Variants in OSBPL10 observed in about 807,000 individuals in gnomAD.
OSBPL10 encodes the protein oxysterol binding protein like 10.
In OSBPL10, 49 loss-of-function variants were observed where a neutral mutation model predicts 81.7. The ratio of observed to expected loss-of-function variants is 0.60; its 90% CI spans 0.48 to 0.76. The LOEUF (loss-of-function observed/expected upper bound fraction) is 0.76, where lower values mean the gene tolerates loss of function less well. Ranked by LOEUF, OSBPL10 falls within the 30% of genes least tolerant of loss-of-function variation. The pLI is 0.00. For synonymous variants in OSBPL10, 419 were observed against 383.6 expected (o/e 1.09, Z -1.08); for missense variants, 923 against 987.8 (o/e 0.93, Z 0.88).
intron 7 of OSBPL10, among the ~76,000 whole-genome samples, chr3:31,694,753 T>G (rs1367496691): frequency 2.6e-5 from 4 of 152,140 alleles, no homozygotes; most frequent in African/African-American, 7.2e-5. Context: ...TTTTGTTTGT[T>G]TGTTTGTTTT....
chr3:32,048,724 T>A (rs940477568), intron 1 of OSBPL10, among the ~76,000 whole-genome samples: 1 of 152,196 alleles, frequency 6.6e-6, no homozygotes, highest in African/African-American at 2.4e-5. Flanking sequence ...AACTCCATTT[T>A]GAATAGGGGC....
intron 4 of OSBPL10, among the ~76,000 whole-genome samples, chr3:31,760,579 T>C (rs1422534527): frequency 2.0e-5 from 3 of 152,350 alleles, no homozygotes; most frequent in African/African-American, 7.2e-5. Context: ...ACATGTTCAA[T>C]ATAGATGCAA....
chr3:31,906,124 A>G (rs1417852239), intron 1 of OSBPL10, among the ~76,000 whole-genome samples: 1 of 152,226 alleles, frequency 6.6e-6, no homozygotes, highest in Non-Finnish European at 1.5e-5. Context: ...CCAAGCAAGA[A>G]CAAACAAAGC....
intron 3 of OSBPL10, among the ~76,000 whole-genome samples, chr3:31,860,177 GTT>G (rs150220810): frequency 0.07 from 10,691 of 152,082 alleles, 1,283 homozygotes; most frequent in African/African-American, 0.25. Flanking sequence ...AAATGAAAGC[GTT>G]TAAGATTTTG....
At chr3:32,014,160 C>T (rs983439687) in intron 2 of OSBPL10, among the ~76,000 whole-genome samples, 1 of 152,150 alleles carries the variant, frequency 6.6e-6, no homozygotes, top group African/African-American at 2.4e-5. Flanking sequence ...AATTTTAGAC[C>T]AATATCCCTG....
At chr3:32,068,072 G>A (rs1699793382) in intron 1 of OSBPL10, among the ~76,000 whole-genome samples, 1 of 152,126 alleles carries the variant, frequency 6.6e-6, no homozygotes, top group Non-Finnish European at 1.5e-5. Flanking sequence ...TTCAAATCAG[G>A]TAAGCGGTCT....
upstream of OSBPL10, among the ~76,000 whole-genome samples, chr3:31,985,876 T>A (rs1698926789): frequency 6.6e-6 from 1 of 152,236 alleles, no homozygotes; most frequent in African/African-American, 2.4e-5. Flanking sequence ...CATGAGGAGA[T>A]CTACAGTTCT....
rs184072433 is a variant in OSBPL10 at position 31,941,068 on chromosome 3, G to A, written c.281+39831C>T. On this transcript the variant is annotated intron_variant, in intron 1 of 11. Transcript: ENST00000396556. ...GTTGAGAATGGTAAATGTACTCAACGTTTGTCCGACAGGTGAATGAAACAT... is the reference window on the plus strand; with the variant it reads ...GTTGAGAATGGTAAATGTACTCAACATTTGTCCGACAGGTGAATGAAACAT... Among the ~76,000 whole-genome samples the A allele has an allele frequency of 2.5e-4, 38 of 152,274 alleles. No individual in the cohort carries two copies. In the East Asian group the frequency reaches 3.9e-3, roughly 15 times the overall value.
At chr3:31,692,983 C>T (rs1300024273) in intron 7 of OSBPL10, among the ~76,000 whole-genome samples, 1 of 152,220 alleles carries the variant, frequency 6.6e-6, no homozygotes, top group Non-Finnish European at 1.5e-5. Flanking sequence ...ACTGTGTCGC[C>T]TCATGAAACA....
In OSBPL10 at chr3:31,707,908, G is replaced by C. The variant is rs190192169; in HGVS notation, c.1096-5400C>G. On this transcript the variant is annotated intron_variant, in intron 6 of 11. Transcript: ENST00000396556. Reference sequence around the variant, plus strand: ...ATGAGAGGTTCTAGAAAAATAAAGAGTGTGGAGTTGAGACATAGATAGAGG... The same window carrying C: ...ATGAGAGGTTCTAGAAAAATAAAGACTGTGGAGTTGAGACATAGATAGAGG... Among the ~76,000 whole-genome samples the C allele has an allele frequency of 1.1e-3, 166 of 152,212 alleles. 1 individual carries two copies. Among genetic ancestry groups the C allele is most frequent in the Non-Finnish European group, 1.9e-3 (130 of 68,016 alleles).
At chr3:31,749,961 A>C (rs1697661127) in intron 4 of OSBPL10, among the ~76,000 whole-genome samples, 1 of 151,878 alleles carries the variant, frequency 6.6e-6, no homozygotes, top group South Asian at 2.1e-4. Context: ...CGGGTGGATC[A>C]CTTGAGGTCA....
intron 6 of OSBPL10, among the ~76,000 whole-genome samples, chr3:31,730,959 T>C (rs1288591508): frequency 6.6e-6 from 1 of 152,226 alleles, no homozygotes; most frequent in East Asian, 1.9e-4. Context: ...TCAAAAGCAT[T>C]AAGGACCTGC....
At chr3:31,939,839 G>A (rs191246560) in intron 1 of OSBPL10, among the ~76,000 whole-genome samples, 11 of 152,130 alleles carry the variant, frequency 7.2e-5, no homozygotes, top group South Asian at 2.1e-4. Context: ...GGGCTTAAGC[G>A]ATCCTCCTGC....
At chr3:31,927,970 A>G (rs1697124615) in intron 1 of OSBPL10, among the ~76,000 whole-genome samples, 1 of 152,152 alleles carries the variant, frequency 6.6e-6, no homozygotes, top group Admixed American at 6.5e-5. Context: ...AGTAAGAAAT[A>G]AAAAAGGCCC....
chr3:31,774,035 G>A (rs758189466), intron 4 of OSBPL10, among the ~76,000 whole-genome samples: 14 of 152,090 alleles, frequency 9.2e-5, no homozygotes, highest in Non-Finnish European at 1.8e-4. Context: ...GGTGGCACGC[G>A]CCTGTAATCC....
chr3:31,879,522 G>T, intron 2 of OSBPL10, 133 bp downstream of exon 2: 1 of 868,352 alleles, frequency 1.2e-6, no homozygotes, highest in Non-Finnish European at 1.7e-6. Flanking sequence ...GAGGCAATGT[G>T]TGTCACCACA....
intron 4 of OSBPL10, among the ~76,000 whole-genome samples, chr3:31,770,710 C>A (rs559121262): frequency 6.6e-6 from 1 of 152,202 alleles, no homozygotes; most frequent in South Asian, 2.1e-4. Flanking sequence ...CGCTTGAACC[C>A]AGGAGGCGGA....
At chr3:31,765,854 A>T (rs1698180135) in intron 4 of OSBPL10, among the ~76,000 whole-genome samples, 1 of 152,116 alleles carries the variant, frequency 6.6e-6, no homozygotes, top group Admixed American at 6.5e-5. Flanking sequence ...TCACAGAGAA[A>T]GTTTAGTAAC....
chr3:31,789,603 AG>A (rs2125788831), intron 4 of OSBPL10, among the ~76,000 whole-genome samples: 1 of 152,332 alleles, frequency 6.6e-6, no homozygotes, highest in Non-Finnish European at 1.5e-5. Flanking sequence ...ACTGCCAGGC[AG>A]GGGCACTGCC....
Sources: allele counts gnomAD v4.1 joint callset (sites outside exome capture counted in the v4.1 genomes callset), GRCh38; gene constraint gnomAD v4.1.1; transcripts MANE v1.5; gene names NCBI Gene and HGNC (gene_info 2026-07-23, HGNC 2026-07-21).